The following PCDH15 variants were observed in gnomAD, a reference collection of about 807,000 sequenced individuals.
PCDH15 encodes protocadherin related 15.
A neutral mutation model predicts 178.5 loss-of-function variants in PCDH15; 129 were observed. That is an observed-to-expected ratio of 0.72 (90% confidence interval 0.63 to 0.84). The LOEUF is 0.84. Ranked by LOEUF, PCDH15 falls within the 40% of genes least tolerant of loss-of-function variation. The pLI is 0.00. For missense variants in PCDH15, 2,230 were observed against 2,099.9 expected, an observed-to-expected ratio of 1.06 and a Z score of -1.21; for synonymous variants, 800 against 732.0, an observed-to-expected ratio of 1.09 and a Z score of -1.50.
chr10:54,555,959 A>G (rs2087206471), intron 2 of PCDH15, among the ~76,000 whole-genome samples: 1 of 134,748 alleles, frequency 7.4e-6, no homozygotes, highest in Admixed American at 8.3e-5. Context: ...CTTGCCCTCT[A>G]CAACCAAAGG....
At chr10:54,323,896 A>G (rs560645325) in intron 7 of PCDH15, among the ~76,000 whole-genome samples, 1 of 152,240 alleles carries the variant, frequency 6.6e-6, no homozygotes, top group East Asian at 1.9e-4. Flanking sequence ...TGTCTTGTAA[A>G]CATTTTTTGT....
At chr10:54,409,062 T>C (rs925588597) in intron 3 of PCDH15, among the ~76,000 whole-genome samples, 5 of 152,172 alleles carry the variant, frequency 3.3e-5, no homozygotes, top group Non-Finnish European at 7.3e-5. Flanking sequence ...TCTCATGAGC[T>C]CTGATGGTTT....
At chr10:54,021,421 G>T (rs718309) in intron 19 of PCDH15, among the ~76,000 whole-genome samples, 3 of 151,728 alleles carry the variant, frequency 2.0e-5, no homozygotes, top group Admixed American at 6.6e-5. Context: ...TTATTATGTG[G>T]TTTTTCCTGC....
At position 54,590,274 on chromosome 10, in the gene PCDH15, A is replaced by T. The variant is rs1003918110; in HGVS notation, c.92-62397T>A. 2.0e-5 allele frequency among the ~76,000 whole-genome samples: 3 copies of T among 152,190 alleles called. No individual in the cohort carries two copies. In the East Asian group the frequency reaches 5.8e-4, roughly 29 times the overall value. On this transcript the variant is annotated intron_variant, in intron 2 of 37. Coordinates refer to ENST00000644397, the MANE Select transcript of PCDH15 (RefSeq NM_001384140.1). ...TAGAAAGAACATAACTGATTTGCTC[A>T]AAGTCATATAACTCAGAAGTGACCG... is the stretch of plus-strand genomic sequence containing the variant.
intron 2 of PCDH15, among the ~76,000 whole-genome samples, chr10:54,566,333 T>A (rs1439206625): frequency 6.6e-6 from 1 of 152,192 alleles, no homozygotes; most frequent in Non-Finnish European, 1.5e-5. Context: ...AAACTTCATT[T>A]ACACATCATT....
At chr10:54,014,510 A>G (rs2092684265) in intron 20 of PCDH15, among the ~76,000 whole-genome samples, 1 of 152,152 alleles carries the variant, frequency 6.6e-6, no homozygotes, top group Admixed American at 6.6e-5. Context: ...CAGATCCAAA[A>G]ATCTTCAACA....
chr10:54,455,644 C>G (rs61853580), intron 3 of PCDH15, among the ~76,000 whole-genome samples: 2 of 152,088 alleles, frequency 1.3e-5, no homozygotes, highest in Admixed American at 6.6e-5. Context: ...AAATTTGCAA[C>G]CTGATGATGT....
chr10:54,515,139 G>A (rs1009349767), intron 3 of PCDH15, among the ~76,000 whole-genome samples: 2 of 152,228 alleles, frequency 1.3e-5, no homozygotes, highest in South Asian at 2.1e-4. Context: ...AGGACAGTGG[G>A]TGCAGCGCAC....
intron 1 of PCDH15, among the ~76,000 whole-genome samples, chr10:55,262,109 GAAAT>G (rs1842161069): frequency 9.1e-6 from 1 of 109,652 alleles, no homozygotes; most frequent in Non-Finnish European, 1.7e-5. Context: ...GAAGAGAAGA[GAAAT>G]AAAAAAGAAA....
intron 2 of PCDH15, among the ~76,000 whole-genome samples, chr10:55,065,547 A>G (rs1841542272): frequency 6.6e-6 from 1 of 152,022 alleles, no homozygotes; most frequent in African/African-American, 2.4e-5. Context: ...GTATCTGTTT[A>G]CATGCTTTTT....
chr10:54,390,672 A>G (rs1950448276), intron 3 of PCDH15, among the ~76,000 whole-genome samples: 1 of 152,134 alleles, frequency 6.6e-6, no homozygotes. Context: ...AAAAGCTAAC[A>G]TTTCTTATGG....
At chr10:54,565,409 C>G (rs910796120) in intron 2 of PCDH15, among the ~76,000 whole-genome samples, 1 of 152,144 alleles carries the variant, frequency 6.6e-6, no homozygotes, top group African/African-American at 2.4e-5. Context: ...CCCACTGAGG[C>G]CTGACCTTAA....
At chr10:55,113,707 A>G (rs1591913130) in intron 2 of PCDH15, among the ~76,000 whole-genome samples, 1 of 152,162 alleles carries the variant, frequency 6.6e-6, no homozygotes, top group Admixed American at 6.6e-5. Context: ...ATGAAGATCT[A>G]GCTGCAGAAT....
At chr10:54,728,825 A>T (rs1480685938) in intron 1 of PCDH15, among the ~76,000 whole-genome samples, 1 of 151,554 alleles carries the variant, frequency 6.6e-6, no homozygotes, top group Non-Finnish European at 1.5e-5. Context: ...TGCATTCATA[A>T]TAGCTGCAAA....
At chr10:54,377,949 C>T (rs1284133799) in intron 4 of PCDH15, among the ~76,000 whole-genome samples, 1 of 151,810 alleles carries the variant, frequency 6.6e-6, no homozygotes, top group Admixed American at 6.6e-5. Context: ...GGTAGTGTCT[C>T]GCTCTGCTGT....
chr10:55,180,941 A>G (rs1447796960), intron 1 of PCDH15, among the ~76,000 whole-genome samples: 5 of 142,658 alleles, frequency 3.5e-5, no homozygotes, highest in Non-Finnish European at 7.9e-5. Context: ...AAACTCAGAG[A>G]AAAAAAACAT....
intron 3 of PCDH15, among the ~76,000 whole-genome samples, chr10:54,380,689 C>A (rs1304892882): frequency 7.2e-5 from 5 of 69,636 alleles, no homozygotes; most frequent in Non-Finnish European, 1.1e-4. Context: ...TATATATGCT[C>A]CATATATATA....
intron 1 of PCDH15, among the ~76,000 whole-genome samples, chr10:55,235,486 A>G (rs1056167668): frequency 6.6e-6 from 1 of 152,144 alleles, no homozygotes; most frequent in Non-Finnish European, 1.5e-5. Context: ...GAAAGTTCTC[A>G]TTCAATAGAA....
intron 2 of PCDH15, among the ~76,000 whole-genome samples, chr10:55,050,248 TGCAA>T (rs1841124769): frequency 6.6e-6 from 1 of 152,008 alleles, no homozygotes; most frequent in South Asian, 2.1e-4. Context: ...TTTAGCCACT[TGCAA>T]GCTATGAGAT....
Sources: allele counts gnomAD v4.1 joint callset (sites outside exome capture counted in the v4.1 genomes callset), GRCh38; gene constraint gnomAD v4.1.1; transcripts MANE v1.5; gene names NCBI Gene and HGNC (gene_info 2026-07-23, HGNC 2026-07-21).